Variants in SNTG1 observed in about 807,000 individuals in gnomAD.
SNTG1 encodes syntrophin gamma 1.
Under a neutral mutation model 74.7 loss-of-function variants are expected in SNTG1, and 39 were observed. The observed-to-expected ratio is 0.52, with a 90% CI of 0.40 to 0.68. SNTG1 has a LOEUF of 0.68. Among genes scored for constraint, SNTG1 ranks in the 30% least tolerant of loss-of-function variants. SNTG1 has a pLI of 0.00. For synonymous variants in SNTG1, 254 were observed against 217.1 expected, an observed-to-expected ratio of 1.17 and a Z score of -1.49; for missense variants, 685 against 609.5, an observed-to-expected ratio of 1.12 and a Z score of -1.30.
Position 50,656,906 on chromosome 8 carries a change from C to T in SNTG1, c.850-3C>T, listed in dbSNP as rs762962841. The T allele has an allele frequency of 5.2e-5, 83 of 1,596,004 alleles. No individual in the cohort carries two copies. Among genetic ancestry groups the T allele is most frequent in the Non-Finnish European group, 6.9e-5 (81 of 1,168,348 alleles). On this transcript the variant is annotated splice_polypyrimidine_tract_variant and splice_region_variant and intron_variant, in intron 13 of 18. Transcript: ENST00000642720. ...CAGTTGATTGTATTCCATTTTCTTGCAGATTGTCTACATGGGCTGGTGTGA... is the reference window on the plus strand; with the variant it reads ...CAGTTGATTGTATTCCATTTTCTTGTAGATTGTCTACATGGGCTGGTGTGA...
intron 1 of SNTG1, among the ~76,000 whole-genome samples, chr8:49,938,339 A>C (rs542962988): frequency 2.0e-5 from 3 of 152,244 alleles, no homozygotes; most frequent in Non-Finnish European, 4.4e-5. Context: ...TAATCCACAT[A>C]ATAATCCTAG....
intron 1 of SNTG1, among the ~76,000 whole-genome samples, chr8:49,999,237 G>A (rs978496603): frequency 5.3e-5 from 8 of 151,938 alleles, no homozygotes; most frequent in African/African-American, 1.5e-4. Context: ...TTTCTTTAAC[G>A]GTGCCCAGTT....
At chr8:50,348,986 G>T (rs1174618355) in intron 2 of SNTG1, among the ~76,000 whole-genome samples, 3 of 152,072 alleles carry the variant, frequency 2.0e-5, no homozygotes, top group Admixed American at 6.6e-5. Flanking sequence ...TCATAATAAG[G>T]ATTGCTTAAC....
Position 50,530,246 on chromosome 8 carries a change from A to AT in SNTG1, c.537dup (p.Pro180SerfsTer71). The stretch of plus-strand genomic sequence containing the variant: ...GACAGTGGCTTACATCTCAACTACC[A>AT]TCCCAACAATACAGTAAGATGACCC... On this transcript the variant is annotated frameshift_variant, in exon 10 of 19. Coordinates refer to ENST00000642720, the MANE Select transcript of SNTG1 (RefSeq NM_018967.5). LOFTEE classifies it high-confidence loss of function. 1 of 1,613,740 alleles carries AT rather than the reference A, an allele frequency of 6.2e-7. No homozygotes were observed. The highest frequency in any genetic ancestry group is 8.5e-7 in the Non-Finnish European group (1 of 1,179,742).
chr8:50,312,773 A>T lies in SNTG1; in HGVS notation c.-27-81439A>T, dbSNP rs775268988. 8.7e-5 allele frequency among the ~76,000 whole-genome samples: 13 copies of T among 150,262 alleles called. 1 individual carries two copies. Among genetic ancestry groups the T allele is most frequent in the Non-Finnish European group, 1.3e-4 (9 of 67,992 alleles). ...TGTGAAACAAAAACCAGGGAACAAT[A>T]CAATTTCAACTATAAGGTTCTTCAC... On this transcript the variant is annotated intron_variant, in intron 2 of 18. Coordinates refer to ENST00000642720, the MANE Select transcript of SNTG1 (RefSeq NM_018967.5).
intron 2 of SNTG1, among the ~76,000 whole-genome samples, chr8:50,195,765 G>A (rs761861881): frequency 2.0e-5 from 3 of 152,132 alleles, no homozygotes; most frequent in Non-Finnish European, 2.9e-5. Context: ...TCCCACTTCT[G>A]CAGTTGTATT....
chr8:50,153,619 C>T (rs1021830654), intron 1 of SNTG1, among the ~76,000 whole-genome samples: 1 of 152,144 alleles, frequency 6.6e-6, no homozygotes, highest in African/African-American at 2.4e-5. Flanking sequence ...TTTCCTTCTA[C>T]CAGTCAGGAC....
At chr8:50,037,432 A>T (rs947768766) in intron 1 of SNTG1, among the ~76,000 whole-genome samples, 1 of 152,192 alleles carries the variant, frequency 6.6e-6, no homozygotes, top group East Asian at 1.9e-4. Flanking sequence ...CCTCAAAATA[A>T]GAGTTGTCAT....
rs35053014 is a variant in SNTG1, at chr8:50,743,103, C to CA, written c.1285-8884dup. Among the ~76,000 whole-genome samples, 206 of 133,398 alleles carry CA rather than the reference C, an allele frequency of 1.5e-3. 1 individual carries two copies. The highest frequency in any genetic ancestry group is 2.4e-3 in the East Asian group (11 of 4,546). 87.5% of individuals were successfully genotyped at this position (133,398 alleles called of 152,430 possible). On this transcript the variant is annotated intron_variant, in intron 17 of 18. Transcript: ENST00000642720. ...ATCAAAGTTATTCTCAAATTCTTAC[C>CA]AAAAAAAAAAAAAATTGAAGGAGTG...
At chr8:50,773,226 C>T (rs1200948144) in intron 18 of SNTG1, among the ~76,000 whole-genome samples, 1 of 151,980 alleles carries the variant, frequency 6.6e-6, no homozygotes, top group Non-Finnish European at 1.5e-5. Context: ...CCAGTTGTGG[C>T]AAGAAAGATG....
intron 2 of SNTG1, among the ~76,000 whole-genome samples, chr8:50,381,630 A>C (rs143286306): frequency 0.041 from 5,306 of 130,814 alleles, 239 homozygotes; most frequent in Non-Finnish European, 0.063. Flanking sequence ...ATATATATAT[A>C]TCCTATTAGT....
intron 11 of SNTG1, among the ~76,000 whole-genome samples, chr8:50,538,863 T>C (rs1450428371): frequency 6.6e-6 from 1 of 152,254 alleles, no homozygotes; most frequent in Admixed American, 6.5e-5. Context: ...AGAAACTTTT[T>C]AAAAAATCTG....
chr8:50,554,750 G>C (rs1219008375), intron 12 of SNTG1, among the ~76,000 whole-genome samples: 5 of 152,110 alleles, frequency 3.3e-5, no homozygotes, highest in Admixed American at 1.3e-4. Context: ...TCCTTCGACT[G>C]ACTTATATGG....
chr8:50,627,164 C>T (rs944885217), intron 13 of SNTG1, among the ~76,000 whole-genome samples: 4 of 152,146 alleles, frequency 2.6e-5, no homozygotes, highest in Admixed American at 6.5e-5. Flanking sequence ...TGCCATTGCT[C>T]ATCTTTGTAT....
chr8:50,670,494 A>T (rs200807272), intron 15 of SNTG1, among the ~76,000 whole-genome samples: 1 of 149,408 alleles, frequency 6.7e-6, no homozygotes, highest in Admixed American at 6.7e-5. Context: ...AGGGATGTGA[A>T]GGACCTCTTC....
chr8:50,622,452 G>GA (rs1400200293), intron 13 of SNTG1, among the ~76,000 whole-genome samples: 1 of 151,978 alleles, frequency 6.6e-6, no homozygotes, highest in Non-Finnish European at 1.5e-5. Context: ...TTAATTTAGG[G>GA]AAAATAGTGT....
At chr8:50,440,263 A>G (rs1184721697) in intron 5 of SNTG1, among the ~76,000 whole-genome samples, 1 of 151,944 alleles carries the variant, frequency 6.6e-6, no homozygotes, top group Non-Finnish European at 1.5e-5. Context: ...ACAAACATCA[A>G]GACTTTTATT....
intron 11 of SNTG1, among the ~76,000 whole-genome samples, chr8:50,550,740 T>G (rs1428818259): frequency 6.6e-6 from 1 of 151,798 alleles, no homozygotes; most frequent in African/African-American, 2.4e-5. Context: ...ATCCATAAGG[T>G]TACCGTTAAT....
chr8:50,497,862 A>G (rs2093917751), intron 8 of SNTG1, among the ~76,000 whole-genome samples: 1 of 152,002 alleles, frequency 6.6e-6, no homozygotes, highest in Non-Finnish European at 1.5e-5. Flanking sequence ...GTAATCATAT[A>G]ATAGTATGTT....
Sources: gnomAD v4.1 joint callset for allele counts (sites outside exome capture counted in the v4.1 genomes callset) on GRCh38, gnomAD v4.1.1 for gene constraint, MANE v1.5 for transcripts, NCBI Gene and HGNC (gene_info 2026-07-23, HGNC 2026-07-21) for gene names.